The following MRFAP1L2 variants were observed in gnomAD, a reference collection of about 807,000 sequenced individuals.
MRFAP1L2 encodes the protein Morf4 family associated protein 1 like 2, also known as MORF4 family-associated protein 1-like protein UPP.
chr4:6,674,543 C>T, the MRFAP1L2 span: 1 of 663,958 alleles, frequency 1.5e-6, no homozygotes, highest in Non-Finnish European at 2.7e-6. Context: ...GGAGCTGCAC[C>T]AGCGGATCGC....
the MRFAP1L2 span, chr4:6,674,569 C>T: frequency 1.5e-6 from 1 of 645,706 alleles, no homozygotes; most frequent in Non-Finnish European, 2.8e-6. Flanking sequence ...GCGAGTGCTG[C>T]TGAGCCGGCG....
At chr4:6,674,755 C>G in the MRFAP1L2 span, 5 of 505,576 alleles carry the variant, frequency 9.9e-6, no homozygotes, top group African/African-American at 2.0e-5. Flanking sequence ...GTCATGACCA[C>G]TGGAAGTATT....
the MRFAP1L2 span, chr4:6,674,136 G>A: frequency 1.0e-5 from 4 of 385,908 alleles, no homozygotes; most frequent in Non-Finnish European, 1.8e-5. Flanking sequence ...CTGGTCGTTG[G>A]TGACAGCGAG....
At chr4:6,675,901 A>G in the MRFAP1L2 span, 1 of 152,266 alleles carries the variant, frequency 6.6e-6, no homozygotes, top group Non-Finnish European at 1.5e-5. Flanking sequence ...CACAGAGACT[A>G]AAATCAGAGC....
chr4:6,674,739 TAA>T, the MRFAP1L2 span: 1 of 519,290 alleles, frequency 1.9e-6, no homozygotes, highest in Non-Finnish European at 3.4e-6. Context: ...TATGTTGTTG[TAA>T]AGAGTCATGA....
the MRFAP1L2 span, chr4:6,674,459 G>A: frequency 1.5e-6 from 1 of 661,180 alleles, no homozygotes; most frequent in South Asian, 1.6e-5. Flanking sequence ...GGAGGCTGAG[G>A]AGCGGGTGGC....
chr4:6,675,750 C>T, the MRFAP1L2 span: 3 of 152,162 alleles, frequency 2.0e-5, no homozygotes, highest in African/African-American at 7.2e-5. Context: ...TGTTATAATA[C>T]AGTCTCTGCC....
chr4:6,674,260 G>A, the MRFAP1L2 span: 4 of 459,340 alleles, frequency 8.7e-6, no homozygotes, highest in African/African-American at 4.1e-5. Context: ...GCGAGGAGCC[G>A]GGCAGCCCGC....
the MRFAP1L2 span, chr4:6,674,365 G>A: frequency 4.0e-4 from 260 of 642,936 alleles, no homozygotes; most frequent in Admixed American, 4.4e-4. Flanking sequence ...AGCTGCTGGA[G>A]ATCCAGAGCC....
the MRFAP1L2 span, chr4:6,674,251 C>G: frequency 4.7e-6 from 2 of 425,508 alleles, no homozygotes; most frequent in South Asian, 6.0e-5. Context: ...GGGAGCCCCG[C>G]GAGGAGCCGG....
At chr4:6,674,156 C>T in the MRFAP1L2 span, 9 of 385,354 alleles carry the variant, frequency 2.3e-5, no homozygotes, top group African/African-American at 8.3e-5. Context: ...GGCTTCCGCG[C>T]TCGCTGCTGG....
At chr4:6,674,990 T>C in the MRFAP1L2 span, 2 of 158,194 alleles carry the variant, frequency 1.3e-5, no homozygotes, top group Non-Finnish European at 2.8e-5. Flanking sequence ...ACTTGTACTT[T>C]AGGTGGCCAA....
At chr4:6,674,216 C>G in the MRFAP1L2 span, 1 of 399,680 alleles carries the variant, frequency 2.5e-6, no homozygotes, top group Non-Finnish European at 4.4e-6. Context: ...CGGCGTGATG[C>G]GGCCCGTGGA....
At chr4:6,674,108 G>T in the MRFAP1L2 span, 1 of 382,920 alleles carries the variant, frequency 2.6e-6, no homozygotes, top group Non-Finnish European at 4.6e-6. Flanking sequence ...CGGAAAGTTG[G>T]GGCAACCTGT....
chr4:6,674,600 G>T, the MRFAP1L2 span: 2 of 604,036 alleles, frequency 3.3e-6, no homozygotes, highest in South Asian at 1.8e-5. Context: ...GGTCTGGAGC[G>T]GAGCGCGGCG....
the MRFAP1L2 span, chr4:6,674,598 G>A: frequency 3.3e-6 from 2 of 605,370 alleles, no homozygotes; most frequent in African/African-American, 3.9e-5. Context: ...CGGGTCTGGA[G>A]CGGAGCGCGG....
At chr4:6,675,348 T>A in the MRFAP1L2 span, 1 of 152,364 alleles carries the variant, frequency 6.6e-6, no homozygotes, top group South Asian at 2.1e-4. Context: ...TTTTTTATGC[T>A]TCCTGGAATT....
chr4:6,675,818 C>T, the MRFAP1L2 span: 6 of 152,316 alleles, frequency 3.9e-5, no homozygotes, highest in East Asian at 1.2e-3. Flanking sequence ...AAGCTTCAAG[C>T]TGGCCATGGG....
At chr4:6,674,483 G>A in the MRFAP1L2 span, 5 of 667,560 alleles carry the variant, frequency 7.5e-6, no homozygotes, top group Admixed American at 6.4e-5. Context: ...GCTGTGCGCC[G>A]AAGCAGAGAG....
Sources: gnomAD v4.1 joint callset for allele counts on GRCh38, gnomAD v4.1.1 for gene constraint, MANE v1.5 for transcripts, NCBI Gene and HGNC (gene_info 2026-07-23, HGNC 2026-07-21) for gene names.